The following DPP6 variants were observed in gnomAD, a reference collection of about 807,000 sequenced individuals.
DPP6 encodes A-type potassium channel modulatory protein DPP6.
A neutral mutation model predicts 122.6 loss-of-function variants in DPP6; 69 were observed. The ratio of observed to expected loss-of-function variants is 0.56; its 90% confidence interval spans 0.46 to 0.69. DPP6 has a LOEUF of 0.69. Ranked by LOEUF, DPP6 falls within the 30% of genes least tolerant of loss-of-function variation. DPP6 has a pLI of 0.00. For synonymous variants in DPP6, 418 were observed against 433.1 expected, an observed-to-expected ratio of 0.97 and a Z score of 0.43; for missense variants, 928 against 1,116.9, an observed-to-expected ratio of 0.83 and a Z score of 2.41.
intron 1 of DPP6, among the ~76,000 whole-genome samples, chr7:154,233,937 A>G (rs1027497541): frequency 6.6e-6 from 1 of 152,206 alleles, no homozygotes; most frequent in African/African-American, 2.4e-5. Context: ...GGGTTGGATT[A>G]CTCTGGCTCA....
At chr7:153,810,671 C>CCTCT in the DPP6 span, among the ~76,000 whole-genome samples, 8,160 of 124,302 alleles carry the variant, frequency 0.066, 339 homozygotes, top group Middle Eastern at 0.083. Flanking sequence ...CTCTCTCTCT[C>CCTCT]CTCTCTCTCT....
At chr7:154,008,776 C>G (rs1331593332) in intron 1 of DPP6, among the ~76,000 whole-genome samples, 1 of 150,828 alleles carries the variant, frequency 6.6e-6, no homozygotes, top group East Asian at 2.0e-4. Flanking sequence ...ATTCTCCTGC[C>G]TCAGCCTCCC....
intron 1 of DPP6, among the ~76,000 whole-genome samples, chr7:153,952,679 T>G (rs1013400318): frequency 1.3e-5 from 2 of 152,218 alleles, no homozygotes; most frequent in African/African-American, 4.8e-5. Flanking sequence ...TTTGAAAGGT[T>G]TATTTATTCC....
intron 1 of DPP6, among the ~76,000 whole-genome samples, chr7:153,984,329 T>G (rs1409174502): frequency 2.0e-5 from 3 of 152,182 alleles, no homozygotes; most frequent in African/African-American, 7.2e-5. Flanking sequence ...AACACCTCCT[T>G]CTGCATTTCA....
rs1261699888 is a variant in DPP6 at position 154,640,847 on chromosome 7, A to T, written c.680+2974A>T. 2.6e-5 allele frequency among the ~76,000 whole-genome samples: 4 copies of T among 152,354 alleles called. No homozygotes were observed. The East Asian group carries it at 7.7e-4, about 29-fold the overall frequency. Reference sequence around the variant, plus strand: ...GAGATTTTCTTAATTTAGAAAACACATATCTGTACCTTTTTCACTAATTCT... The same window carrying T: ...GAGATTTTCTTAATTTAGAAAACACTTATCTGTACCTTTTTCACTAATTCT... On this transcript the variant is annotated intron_variant, in intron 6 of 25. Coordinates refer to ENST00000377770, the MANE Select transcript of DPP6 (RefSeq NM_130797.4).
At chr7:154,669,274 T>G (rs1335304004) in intron 6 of DPP6, 86 bp from the exon 7 acceptor site, 1 of 1,545,598 alleles carries the variant, frequency 6.5e-7, no homozygotes, top group Non-Finnish European at 8.7e-7. Flanking sequence ...AGGAGTTAAG[T>G]TATAGGTAGG....
At chr7:153,928,985 G>A (rs990827726) in intron 1 of DPP6, among the ~76,000 whole-genome samples, 2 of 152,086 alleles carry the variant, frequency 1.3e-5, no homozygotes, top group Non-Finnish European at 2.9e-5. Flanking sequence ...GGTGGGAGAG[G>A]TCAGAGAGAG....
At chr7:154,087,451 G>A (rs1216179454) in intron 1 of DPP6, among the ~76,000 whole-genome samples, 2 of 152,236 alleles carry the variant, frequency 1.3e-5, no homozygotes, top group Non-Finnish European at 2.9e-5. Context: ...TGGAGGGAGA[G>A]AGTGAGAGCA....
intron 1 of DPP6, among the ~76,000 whole-genome samples, chr7:154,013,041 T>C (rs1425542393): frequency 6.6e-6 from 1 of 152,198 alleles, no homozygotes; most frequent in Non-Finnish European, 1.5e-5. Flanking sequence ...CACTCGCTGA[T>C]TTCTGTTTCT....
At chr7:153,766,054 G>T in the DPP6 span, among the ~76,000 whole-genome samples, 1 of 152,170 alleles carries the variant, frequency 6.6e-6, no homozygotes, top group African/African-American at 2.4e-5. Flanking sequence ...GAGTGGTAAG[G>T]CTCCACTGCT....
intron 1 of DPP6, among the ~76,000 whole-genome samples, chr7:154,273,619 T>C (rs2150937777): frequency 6.6e-6 from 1 of 152,300 alleles, no homozygotes; most frequent in African/African-American, 2.4e-5. Context: ...GTTCTGTAGA[T>C]TACTTGATTG....
At chr7:154,617,377 C>G (rs1563016504) in intron 5 of DPP6, among the ~76,000 whole-genome samples, 1 of 152,208 alleles carries the variant, frequency 6.6e-6, no homozygotes, top group Non-Finnish European at 1.5e-5. Context: ...ATCTAATGTT[C>G]TAACTCTACT....
At chr7:154,291,208 T>TCAC (rs1377409422) in intron 1 of DPP6, among the ~76,000 whole-genome samples, 3 of 152,130 alleles carry the variant, frequency 2.0e-5, no homozygotes, top group Non-Finnish European at 4.4e-5. Flanking sequence ...TACTTGCCCA[T>TCAC]CACCACCACC....
intron 1 of DPP6, among the ~76,000 whole-genome samples, chr7:154,444,497 T>C (rs1427703134): frequency 6.6e-6 from 1 of 152,144 alleles, no homozygotes; most frequent in Non-Finnish European, 1.5e-5. Context: ...TCAAAAGATA[T>C]CAATTATTTG....
intron 1 of DPP6, among the ~76,000 whole-genome samples, chr7:154,210,062 C>G (rs1799659888): frequency 6.6e-6 from 1 of 152,150 alleles, no homozygotes; most frequent in South Asian, 2.1e-4. Flanking sequence ...TCATTACTCT[C>G]AATTTTCTAC....
At chr7:154,033,930 A>G (rs1799386280) in intron 1 of DPP6, among the ~76,000 whole-genome samples, 2 of 152,200 alleles carry the variant, frequency 1.3e-5, no homozygotes, top group South Asian at 4.1e-4. Context: ...GAGTGGAACT[A>G]AACTACAGTT....
At chr7:154,055,697 G>A (rs1162821876) in intron 1 of DPP6, 1 of 152,124 alleles carries the variant, frequency 6.6e-6, no homozygotes, top group East Asian at 1.9e-4. Context: ...ACTTCGGTGG[G>A]AGCTGTCTGA....
chr7:154,479,617 C>T (rs1399548610), intron 3 of DPP6, among the ~76,000 whole-genome samples: 3 of 151,506 alleles, frequency 2.0e-5, no homozygotes, highest in Non-Finnish European at 4.4e-5. Flanking sequence ...GGCTCCCTCT[C>T]AAAGAGGTGC....
At chr7:154,256,960 C>T (rs1052665480) in intron 1 of DPP6, among the ~76,000 whole-genome samples, 1 of 151,656 alleles carries the variant, frequency 6.6e-6, no homozygotes, top group African/African-American at 2.4e-5. Flanking sequence ...ATGAAATACC[C>T]CCTTGGGTTC....
Sources: allele counts gnomAD v4.1 joint callset (sites outside exome capture counted in the v4.1 genomes callset), GRCh38; gene constraint gnomAD v4.1.1; transcripts MANE v1.5; gene names NCBI Gene and HGNC (gene_info 2026-07-23, HGNC 2026-07-21).